MAGI2: variants seen among roughly 807,000 people sequenced by gnomAD.
MAGI2 encodes the protein membrane associated guanylate kinase, WW and PDZ domain containing 2.
Under a neutral mutation model 133.3 loss-of-function variants are expected in MAGI2, and 35 were observed. The ratio of observed to expected loss-of-function variants is 0.26; its 90% CI spans 0.20 to 0.35. MAGI2 has a LOEUF of 0.35. Among genes scored for constraint, MAGI2 ranks in the 10% least tolerant of loss-of-function variants. The pLI is 1.00. For missense variants in MAGI2, 1,636 were observed against 1,863.4 expected (o/e 0.88, Z 2.25); for synonymous variants, 729 against 710.6 (o/e 1.03, Z -0.41).
At chr7:78,059,775 A>T (rs35373008) in intron 21 of MAGI2, among the ~76,000 whole-genome samples, 1,268 of 89,438 alleles carry the variant, frequency 0.014, 5 homozygotes, top group South Asian at 0.023. Flanking sequence ...ATATATATAT[A>T]TATTTTTTTT....
At chr7:79,108,837 A>G (rs6978465) in intron 1 of MAGI2, among the ~76,000 whole-genome samples, 104,288 of 152,098 alleles carry the variant, frequency 0.69, 39,420 homozygotes, top group Non-Finnish European at 0.85. Flanking sequence ...TGTCCTTGCA[A>G]TAGTGAATGA....
chr7:78,758,683 A>G (rs755634299), intron 2 of MAGI2, among the ~76,000 whole-genome samples: 1 of 152,102 alleles, frequency 6.6e-6, no homozygotes, highest in Non-Finnish European at 1.5e-5. Flanking sequence ...TGCTCTACAC[A>G]TTGCCTCATA....
intron 5 of MAGI2, among the ~76,000 whole-genome samples, chr7:78,493,912 A>G (rs1284238259): frequency 1.3e-5 from 2 of 152,120 alleles, no homozygotes; most frequent in Non-Finnish European, 2.9e-5. Context: ...TGATAATACC[A>G]CTGGAAAGTT....
intron 2 of MAGI2, among the ~76,000 whole-genome samples, chr7:78,974,919 G>A (rs1224782266): frequency 9.9e-5 from 15 of 151,584 alleles, no homozygotes; most frequent in Admixed American, 9.2e-4. Flanking sequence ...TTCAAAACAA[G>A]GAAGATTACC....
In MAGI2 at chr7:78,584,421, G is replaced by GA. The variant is rs57844382; in HGVS notation, c.538+42698dup. Among the ~76,000 whole-genome samples the GA allele has an allele frequency of 3.1e-3, 257 of 83,936 alleles. 20 individuals are homozygous for GA. Among genetic ancestry groups the GA allele is most frequent in the African/African-American group, 8.9e-3 (205 of 23,108 alleles). The allele number at this position is 83,936 out of a possible 152,430, so 55.1% of individuals were successfully genotyped here. A position where few individuals can be genotyped will look rare whatever the true frequency, so the allele number is the denominator to read the frequency against. Reference sequence around the variant, plus strand: ...GGTGACAGAGTGAGACTCCGTCTCAGAAAAAAAAAAAAAAAAAAAAAAAAA... The same window carrying GA: ...GGTGACAGAGTGAGACTCCGTCTCAGAAAAAAAAAAAAAAAAAAAAAAAAAA... On this transcript the variant is annotated intron_variant, in intron 3 of 21. Coordinates refer to ENST00000354212, the MANE Select transcript of MAGI2 (RefSeq NM_012301.4).
intron 16 of MAGI2, among the ~76,000 whole-genome samples, chr7:78,140,839 A>G (rs1822669240): frequency 6.6e-6 from 1 of 152,244 alleles, no homozygotes; most frequent in South Asian, 2.1e-4. Context: ...AAGCCAACAC[A>G]TGGTATTTGT....
chr7:78,910,345 T>A (rs1333145106), intron 2 of MAGI2, among the ~76,000 whole-genome samples: 1 of 151,948 alleles, frequency 6.6e-6, no homozygotes, highest in Admixed American at 6.6e-5. Context: ...TGAAAATTTT[T>A]CCCCAATTCT....
rs564072742 is a variant in MAGI2 at position 79,002,683 on chromosome 7, G to GA, written c.418+4406dup. Among the ~76,000 whole-genome samples, 614 of 148,238 alleles carry GA rather than the reference G, an allele frequency of 4.1e-3. 1 individual carries two copies. The highest frequency in any genetic ancestry group is 0.014 in the Middle Eastern group (4 of 290). Reference sequence around the variant, plus strand: ...ACTCAACATTTACAGGCTTCAATGAGAAAAAAAAAATCTCCAAACATTTCC... The same window carrying GA: ...ACTCAACATTTACAGGCTTCAATGAGAAAAAAAAAAATCTCCAAACATTTCC... On this transcript the variant is annotated intron_variant, in intron 2 of 21. Transcript: ENST00000354212.
intron 1 of MAGI2, among the ~76,000 whole-genome samples, chr7:79,407,839 G>A (rs1845912837): frequency 6.6e-6 from 1 of 151,356 alleles, no homozygotes; most frequent in Admixed American, 6.6e-5. Context: ...TACAATTTTG[G>A]GTTTTCATTT....
intron 3 of MAGI2, among the ~76,000 whole-genome samples, chr7:78,562,081 G>A (rs1419599822): frequency 6.6e-6 from 1 of 152,124 alleles, no homozygotes; most frequent in East Asian, 1.9e-4. Flanking sequence ...GGAGTTCACA[G>A]AAGGGAAGGA....
intron 14 of MAGI2, among the ~76,000 whole-genome samples, chr7:78,176,952 T>C (rs868000628): frequency 8.0e-3 from 533 of 66,894 alleles, no homozygotes; most frequent in Non-Finnish European, 0.016. Context: ...CACACACACA[T>C]ATATAGTATA....
intron 6 of MAGI2, among the ~76,000 whole-genome samples, chr7:78,422,148 A>C (rs1420072270): frequency 1.3e-5 from 2 of 152,180 alleles, no homozygotes; most frequent in Non-Finnish European, 2.9e-5. Context: ...GAATGCCTTA[A>C]ACAAATCAGG....
chr7:78,497,468 C>G (rs893700826), intron 5 of MAGI2, among the ~76,000 whole-genome samples: 1 of 152,108 alleles, frequency 6.6e-6, no homozygotes, highest in East Asian at 1.9e-4. Context: ...GCAGAAAAAA[C>G]CTTTCCCTCT....
At chr7:78,310,208 G>A (rs1402887733) in intron 9 of MAGI2, among the ~76,000 whole-genome samples, 4 of 152,116 alleles carry the variant, frequency 2.6e-5, no homozygotes, top group Admixed American at 6.5e-5. Flanking sequence ...AGGCAGAGGC[G>A]GGAGGATCAT....
At chr7:78,759,896 A>AG (rs199914498) in intron 2 of MAGI2, among the ~76,000 whole-genome samples, 3,995 of 152,266 alleles carry the variant, frequency 0.026, 80 homozygotes, top group Non-Finnish European at 0.038. Flanking sequence ...TGGGAGGCCA[A>AG]GTGGGCGGAT....
intron 2 of MAGI2, among the ~76,000 whole-genome samples, chr7:78,772,030 A>G (rs1164869171): frequency 1.3e-5 from 2 of 152,154 alleles, no homozygotes; most frequent in Admixed American, 6.5e-5. Context: ...ACCACACAGC[A>G]CCCCAGAGAC....
At chr7:78,439,061 G>A (rs549339062) in intron 6 of MAGI2, among the ~76,000 whole-genome samples, 4 of 152,186 alleles carry the variant, frequency 2.6e-5, no homozygotes, top group African/African-American at 9.6e-5. Context: ...ACTGCCCTCT[G>A]GATTACCCAG....
At chr7:79,095,537 T>C (rs1379846188) in intron 1 of MAGI2, among the ~76,000 whole-genome samples, 1 of 152,186 alleles carries the variant, frequency 6.6e-6, no homozygotes, top group Admixed American at 6.5e-5. Flanking sequence ...TTCCTTTCAC[T>C]TGAAAATTAC....
chr7:78,877,339 G>C (rs538406135), intron 2 of MAGI2, among the ~76,000 whole-genome samples: 2 of 152,186 alleles, frequency 1.3e-5, no homozygotes, highest in Non-Finnish European at 2.9e-5. Context: ...GTCTACAATT[G>C]ATATGACTCA....
Sources: gnomAD v4.1 joint callset for allele counts (sites outside exome capture counted in the v4.1 genomes callset) on GRCh38, gnomAD v4.1.1 for gene constraint, MANE v1.5 for transcripts, NCBI Gene and HGNC (gene_info 2026-07-23, HGNC 2026-07-21) for gene names.